SELENBP1: variants seen among roughly 807,000 people sequenced by gnomAD.
SELENBP1 encodes the protein methanethiol oxidase.
In SELENBP1, 71 loss-of-function variants were observed where a neutral mutation model predicts 61.0. The observed-to-expected ratio is 1.16, with a 90% CI of 0.96 to 1.42. The LOEUF (loss-of-function observed/expected upper bound fraction) is 1.42. Ranked by LOEUF, SELENBP1 falls within the 40% of genes most tolerant of loss-of-function variation. The pLI, the probability that SELENBP1 is intolerant of heterozygous loss-of-function variation, is 0.00. For synonymous variants in SELENBP1, 270 were observed against 238.9 expected, an observed-to-expected ratio of 1.13 and a Z score of -1.20; for missense variants, 561 against 605.0, an observed-to-expected ratio of 0.93 and a Z score of 0.76.
At chr1:151,368,868 C>A in intron 4 of SELENBP1, 136 bp downstream of exon 4, 2 of 893,836 alleles carry the variant, frequency 2.2e-6, no homozygotes, top group Non-Finnish European at 1.7e-6. Context: ...TGAGGTCCAA[C>A]CTCCCTCCCT....
intron 1 of SELENBP1, among the ~76,000 whole-genome samples, chr1:151,370,835 G>T (rs1416474781): frequency 6.6e-6 from 1 of 152,232 alleles, no homozygotes; most frequent in Non-Finnish European, 1.5e-5. Context: ...CCGCAAGTGG[G>T]GAGCCAGGAG....
chr1:151,369,828 C>T lies in SELENBP1; in HGVS notation c.5-59G>A, dbSNP rs372544882. 54 of 1,551,694 alleles carry T rather than the reference C, an allele frequency of 3.5e-5. No homozygotes were observed. In the African/African-American group the frequency reaches 4.5e-4, roughly 13 times the overall value. On this transcript the variant is annotated intron_variant, in intron 1 of 11. Transcript: ENST00000368868. ...CGCTCTGGAGGGTGAAGGCTCCCTC[C>T]GCACGTTCTGCAGCACACATCCCAG...
chr1:151,372,579 C>G, intron 1 of SELENBP1, 59 bp downstream of exon 1: 1 of 1,611,294 alleles, frequency 6.2e-7, no homozygotes, highest in Non-Finnish European at 8.5e-7. Flanking sequence ...TGGAGGAGGG[C>G]CTTCCAAATT....
chr1:151,369,784 G>A lies in SELENBP1; in HGVS notation c.5-15C>T, dbSNP rs1218908280. 1 of 1,551,912 alleles carries A rather than the reference G, an allele frequency of 6.4e-7. No individual in the cohort carries two copies. The highest frequency in any genetic ancestry group is 2.0e-5 in the Admixed American group (1 of 51,022). On this transcript the variant is annotated splice_polypyrimidine_tract_variant and intron_variant, in intron 1 of 11. Coordinates refer to ENST00000368868, the MANE Select transcript of SELENBP1 (RefSeq NM_003944.4). ...ACATTTCGTAGCTGTGGAAGCAATG[G>A]GGCGCATTGGCTGGGCCACGCTCTG...
intron 7 of SELENBP1, 62 bp downstream of exon 7, chr1:151,366,213 C>G (rs1265054741): frequency 6.4e-6 from 10 of 1,560,150 alleles, no homozygotes; most frequent in Admixed American, 3.8e-5. Context: ...GTTACAGAAG[C>G]CTGCTTAGGT....
Position 151,364,477 on chromosome 1 carries a change from G to C in SELENBP1, c.*66C>G. 6.2e-7 allele frequency: 1 copy of C among 1,601,630 alleles called. No individual in the cohort carries two copies. Among genetic ancestry groups the C allele is most frequent in the Admixed American group, 1.7e-5 (1 of 59,864 alleles). On this transcript the variant is annotated 3_prime_UTR_variant, in exon 12 of 12. Coordinates refer to ENST00000368868, the MANE Select transcript of SELENBP1 (RefSeq NM_003944.4). ...AAGGGTCGGGTGCCAAGAGAGAGCA[G>C]AATGAAGCCAGGTCCCCAAGGAAGT...
intron 4 of SELENBP1, 90 bp downstream of exon 4, chr1:151,368,914 T>C: frequency 7.3e-7 from 1 of 1,364,468 alleles, no homozygotes. Context: ...AGCTGGAGGC[T>C]GCTGGTTTAG....
At position 151,368,242 on chromosome 1, in the gene SELENBP1, T is replaced by C. The variant is rs1230748481; in HGVS notation, c.438A>G (p.Glu146=). ...CGTCTCCCAGGGAGCTGATCATCAC[T>C]TCCCCGCTGGCCAGGCAGTGGCTGG... is the stretch of plus-strand genomic sequence containing the variant. ...LHTSHCLASG[E]VMISSLGDVK... is the part of the protein sequence containing the mutation. Residue 146 remains glutamate (E), a synonymous_variant, in exon 5 of 12, where the codon GAA becomes GAG. Transcript: ENST00000368868. 1 of 1,614,138 alleles carries C rather than the reference T, an allele frequency of 6.2e-7. No homozygotes were observed. Among genetic ancestry groups the C allele is most frequent in the East Asian group, 2.2e-5 (1 of 44,872 alleles).
In SELENBP1 at chr1:151,369,880, G is replaced by A. The variant is rs910754551; in HGVS notation, c.5-111C>T. 1.9e-6 allele frequency: 3 copies of A among 1,550,820 alleles called. No individual in the cohort carries two copies. The Admixed American group carries it at 5.9e-5, about 30-fold the overall frequency. On this transcript the variant is annotated intron_variant, in intron 1 of 11. Transcript: ENST00000368868. Reference sequence around the variant, plus strand: ...GGGCCACGGCAGTGCGGCTGGCCTAGGTCCCCACTCCAGCCTCATCGCTCT... The same window carrying A: ...GGGCCACGGCAGTGCGGCTGGCCTAAGTCCCCACTCCAGCCTCATCGCTCT...
intron 9 of SELENBP1, 53 bp downstream of exon 9, chr1:151,365,510 G>A (rs1651761676): frequency 6.2e-7 from 1 of 1,610,218 alleles, no homozygotes; most frequent in Non-Finnish European, 8.5e-7. Flanking sequence ...CCCATCCCCA[G>A]CTTCTCTTCT....
At chr1:151,366,250 G>T (rs749807269) in intron 7 of SELENBP1, 25 bp downstream of exon 7, 2 of 1,602,644 alleles carry the variant, frequency 1.2e-6, no homozygotes, top group Non-Finnish European at 1.7e-6. Context: ...CTACTGGGAG[G>T]GGAGGGCCAG....
At chr1:151,372,705 CG>C, upstream of SELENBP1, 13 of 1,613,150 alleles carry the variant, frequency 8.1e-6, no homozygotes, top group Non-Finnish European at 1.1e-5. Context: ...GCCGCTGTTC[CG>C]GGGAAGGAGC....
intron 9 of SELENBP1, 100 bp downstream of exon 9, chr1:151,365,463 C>G (rs1251726890): frequency 1.3e-6 from 2 of 1,577,176 alleles, no homozygotes; most frequent in Non-Finnish European, 1.7e-6. Flanking sequence ...TTTCCTGCAC[C>G]TCCCTCAACA....
chr1:151,364,801 C>T, intron 11 of SELENBP1, 96 bp from the exon 12 acceptor site: 1 of 1,507,520 alleles, frequency 6.6e-7, no homozygotes. Context: ...GGAGGAATGA[C>T]CAGGGTCTCA....
chr1:151,369,497 G>T lies in SELENBP1; in HGVS notation c.119C>A (p.Ala40Asp), dbSNP rs1043400871. 1.2e-6 allele frequency: 2 copies of T among 1,612,720 alleles called. No individual in the cohort carries two copies. Among genetic ancestry groups the T allele is most frequent in the Non-Finnish European group, 1.7e-6 (2 of 1,179,590 alleles). Residue 40 changes from alanine to aspartate, a missense_variant, in exon 3 of 12, where the codon GCC (alanine) becomes GAC (aspartate). Coordinates refer to ENST00000368868, the MANE Select transcript of SELENBP1 (RefSeq NM_003944.4). ...ATCCACAGTGGCCAGATAATCTGGG[G>T]CCTCAGTGCCTGTGTTTCGGTAAAT... ...PCIYRNTGTE[A>D]PDYLATVDVD...
chr1:151,371,967 G>GGGCATTCTGCCAGCTC (rs78635692), intron 1 of SELENBP1, among the ~76,000 whole-genome samples: 29,396 of 151,896 alleles, frequency 0.19, 3,890 homozygotes, highest in Non-Finnish European at 0.29. Context: ...GCTGGCTGCT[G>GGGCATTCTGCCAGCTC]GGCATTCTGC....
intron 1 of SELENBP1, chr1:151,370,051 G>A: frequency 1.4e-6 from 2 of 1,397,906 alleles, no homozygotes; most frequent in Non-Finnish European, 1.9e-6. Flanking sequence ...GGGTCGTGTG[G>A]TGTAGTGAAT....
intron 1 of SELENBP1, chr1:151,370,148 T>A: frequency 1.9e-6 from 1 of 538,778 alleles, no homozygotes; most frequent in South Asian, 4.4e-5. Flanking sequence ...CGACCTCAAT[T>A]TCTGCATCCT....
At position 151,369,791 on chromosome 1, in the gene SELENBP1, T is replaced by C. The variant is rs201953623; in HGVS notation, c.5-22A>G. ...GTAGCTGTGGAAGCAATGGGGCGCATTGGCTGGGCCACGCTCTGGAGGGTG... is the reference window on the plus strand; with the variant it reads ...GTAGCTGTGGAAGCAATGGGGCGCACTGGCTGGGCCACGCTCTGGAGGGTG... On this transcript the variant is annotated intron_variant, in intron 1 of 11. Coordinates refer to ENST00000368868, the MANE Select transcript of SELENBP1 (RefSeq NM_003944.4). 6.4e-6 allele frequency: 10 copies of C among 1,551,812 alleles called. No individual in the cohort carries two copies. The East Asian group carries it at 2.0e-4, about 30-fold the overall frequency.
Sources: allele counts gnomAD v4.1 joint callset (sites outside exome capture counted in the v4.1 genomes callset), GRCh38; gene constraint gnomAD v4.1.1; transcripts MANE v1.5; gene names NCBI Gene and HGNC (gene_info 2026-07-23, HGNC 2026-07-21).